The following HMBOX1 variants were observed in gnomAD, a reference collection of about 807,000 sequenced individuals.
The protein encoded by HMBOX1 is homeobox-containing protein 1.
A neutral mutation model predicts 54.5 loss-of-function variants in HMBOX1; 14 were observed. The observed-to-expected ratio is 0.26, with a 90% CI of 0.17 to 0.40. HMBOX1 has a LOEUF of 0.40. Among genes scored for constraint, HMBOX1 ranks in the 10% least tolerant of loss-of-function variants. HMBOX1 has a pLI of 1.00. For missense variants in HMBOX1, 332 were observed against 514.4 expected, an observed-to-expected ratio of 0.65 and a Z score of 3.43; for synonymous variants, 160 against 181.0, an observed-to-expected ratio of 0.88 and a Z score of 0.93.
intron 1 of HMBOX1, among the ~76,000 whole-genome samples, chr8:28,920,727 A>G (rs1817407439): frequency 6.6e-6 from 1 of 152,170 alleles, no homozygotes. Flanking sequence ...TGTAGAAGGA[A>G]AGTGCTTAAT....
chr8:28,898,438 A>T (rs1320867913), intron 1 of HMBOX1, among the ~76,000 whole-genome samples: 2 of 152,206 alleles, frequency 1.3e-5, no homozygotes, highest in African/African-American at 4.8e-5. Flanking sequence ...CTAAAAAATA[A>T]TGCTTGAATT....
intron 4 of HMBOX1, among the ~76,000 whole-genome samples, chr8:29,008,161 A>C (rs1273503011): frequency 6.6e-6 from 1 of 152,038 alleles, no homozygotes; most frequent in East Asian, 1.9e-4. Context: ...TCTTTTGGAA[A>C]CTGCCTTGTG....
intron 3 of HMBOX1, among the ~76,000 whole-genome samples, chr8:28,975,854 A>G (rs1828269457): frequency 6.6e-6 from 1 of 152,170 alleles, no homozygotes; most frequent in Non-Finnish European, 1.5e-5. Context: ...TGAGAGAATT[A>G]GATTTAGAGT....
At chr8:28,904,167 G>GT (rs779859493) in intron 1 of HMBOX1, among the ~76,000 whole-genome samples, 76 of 145,932 alleles carry the variant, frequency 5.2e-4, no homozygotes, top group Non-Finnish European at 6.5e-4. Flanking sequence ...ATGATTTCCA[G>GT]TTTTTTTTTT....
At chr8:28,965,426 TAGAC>T (rs1264440092) in intron 2 of HMBOX1, among the ~76,000 whole-genome samples, 1 of 152,202 alleles carries the variant, frequency 6.6e-6, no homozygotes, top group Admixed American at 6.5e-5. Flanking sequence ...GAGAGTAACA[TAGAC>T]AGACTTCACA....
In HMBOX1 at chr8:28,956,262, A is replaced by G. The variant is rs150941252; in HGVS notation, c.-57-7549A>G. Among the ~76,000 whole-genome samples the G allele has an allele frequency of 1.2e-3, 185 of 151,978 alleles. No individual in the cohort carries two copies. The East Asian group carries it at 0.013, about 11-fold the overall frequency. On this transcript the variant is annotated intron_variant, in intron 1 of 9. Coordinates refer to ENST00000287701, the MANE Select transcript of HMBOX1 (RefSeq NM_001135726.3). ...TTTGAGTATTTTTTGAATAAACTTG[A>G]TAACTTGGATCTGCTCTTTCTCTAC...
At chr8:28,947,693 C>G (rs1004644708) in intron 1 of HMBOX1, among the ~76,000 whole-genome samples, 26 of 152,202 alleles carry the variant, frequency 1.7e-4, no homozygotes, top group African/African-American at 6.3e-4. Context: ...TTGACTTAAT[C>G]CACGTTAGCT....
rs982365468 is a variant in HMBOX1 at position 28,954,806 on chromosome 8, AAAG to A, written c.-57-8998_-57-8996del. On this transcript the variant is annotated intron_variant, in intron 1 of 9. Transcript: ENST00000287701. Reference sequence around the variant, plus strand: ...CAAGAAACTATGGTGTGTGGGTGGAAAAGAAGAAGGACTTTGGGGTGGGAGACC... The same window carrying A: ...CAAGAAACTATGGTGTGTGGGTGGAAAAGAAGGACTTTGGGGTGGGAGACC... Among the ~76,000 whole-genome samples, 171 of 152,316 alleles carry A rather than the reference AAAG, an allele frequency of 1.1e-3. 1 individual carries two copies. The highest frequency in any genetic ancestry group is 4.0e-3 in the African/African-American group (165 of 41,578).
chr8:28,969,133 A>G (rs1280608726), intron 2 of HMBOX1, among the ~76,000 whole-genome samples: 2 of 152,190 alleles, frequency 1.3e-5, no homozygotes, highest in Non-Finnish European at 2.9e-5. Context: ...AGACTGCGCC[A>G]CTGCACTCCA....
intron 6 of HMBOX1, among the ~76,000 whole-genome samples, chr8:29,019,779 C>CTA (rs1201539078): frequency 6.6e-6 from 1 of 152,176 alleles, no homozygotes; most frequent in Non-Finnish European, 1.5e-5. Flanking sequence ...AATATGTCAT[C>CTA]TAAGACTTTT....
At chr8:28,933,324 A>G (rs574805394) in intron 1 of HMBOX1, among the ~76,000 whole-genome samples, 8 of 152,216 alleles carry the variant, frequency 5.3e-5, no homozygotes, top group Admixed American at 3.3e-4. Flanking sequence ...CAGTTCCCCC[A>G]GTATGGCAAC....
intron 1 of HMBOX1, among the ~76,000 whole-genome samples, chr8:28,902,029 C>T (rs539514404): frequency 6.6e-6 from 1 of 152,176 alleles, no homozygotes; most frequent in Admixed American, 6.6e-5. Context: ...TTTACATACT[C>T]AATCATTATT....
At chr8:28,935,779 G>A (rs892939967) in intron 1 of HMBOX1, among the ~76,000 whole-genome samples, 3 of 152,048 alleles carry the variant, frequency 2.0e-5, no homozygotes, top group African/African-American at 7.2e-5. Context: ...GGTATAATTC[G>A]CGGCTTTATT....
At chr8:29,025,760 C>T (rs184654234) in intron 6 of HMBOX1, among the ~76,000 whole-genome samples, 9 of 152,208 alleles carry the variant, frequency 5.9e-5, no homozygotes, top group South Asian at 2.1e-4. Flanking sequence ...ATTTTTGCAG[C>T]GAAATGTGGC....
chr8:28,999,115 A>G (rs1395774511), intron 4 of HMBOX1, among the ~76,000 whole-genome samples: 2 of 152,064 alleles, frequency 1.3e-5, no homozygotes, highest in African/African-American at 4.8e-5. Context: ...TTACTGCTTA[A>G]TGTCCTTTCC....
intron 1 of HMBOX1, among the ~76,000 whole-genome samples, chr8:28,956,319 G>GT (rs574684316): frequency 3.8e-4 from 56 of 148,196 alleles, no homozygotes; most frequent in South Asian, 6.4e-4. Context: ...AACTGCTTAA[G>GT]TTTTTTTTTT....
In HMBOX1 at chr8:28,960,768, T is replaced by G. The variant is rs976445144; in HGVS notation, c.-57-3043T>G. On this transcript the variant is annotated intron_variant, in intron 1 of 9. Transcript: ENST00000287701. ...TTCTCTTTTTCTTTTTCTTTTTCTTTTTTTTTTTTTTTTTTTTTTTTTTTT... is the reference window on the plus strand; with the variant it reads ...TTCTCTTTTTCTTTTTCTTTTTCTTGTTTTTTTTTTTTTTTTTTTTTTTTT... 9.3e-3 allele frequency among the ~76,000 whole-genome samples: 29 copies of G among 3,106 alleles called. 11 individuals carry two copies. The highest frequency in any genetic ancestry group is 0.027 in the Admixed American group (5 of 188). The allele number at this position is 3,106 out of a possible 152,430, so 2.0% of individuals were successfully genotyped here.
At chr8:28,962,611 A>C (rs1283022517) in intron 1 of HMBOX1, among the ~76,000 whole-genome samples, 1 of 151,920 alleles carries the variant, frequency 6.6e-6, no homozygotes, top group African/African-American at 2.4e-5. Flanking sequence ...AAATCTCATA[A>C]TTTCTTTTCA....
At chr8:29,025,450 C>T (rs188534822) in intron 6 of HMBOX1, among the ~76,000 whole-genome samples, 1 of 152,182 alleles carries the variant, frequency 6.6e-6, no homozygotes, top group Admixed American at 6.5e-5. Flanking sequence ...GTGGGAATTT[C>T]AGCTTTCTAT....
Sources: gnomAD v4.1 joint callset for allele counts (sites outside exome capture counted in the v4.1 genomes callset) on GRCh38, gnomAD v4.1.1 for gene constraint, MANE v1.5 for transcripts, NCBI Gene and HGNC (gene_info 2026-07-23, HGNC 2026-07-21) for gene names.